Variants in TRIM37 observed in about 807,000 individuals in gnomAD.
The protein encoded by TRIM37 is tripartite motif containing 37.
A neutral mutation model predicts 129.8 loss-of-function variants in TRIM37; 80 were observed. The observed-to-expected ratio is 0.62, with a 90% CI of 0.51 to 0.74. The LOEUF (loss-of-function observed/expected upper bound fraction) is 0.74, where lower values mean the gene tolerates loss of function less well. Among genes scored for constraint, TRIM37 ranks in the 30% least tolerant of loss-of-function variants. The pLI is 0.00. For missense variants in TRIM37, 1,054 were observed against 1,176.5 expected (o/e 0.90, Z 1.52); for synonymous variants, 389 against 387.1 (o/e 1.00, Z -0.06).
intron 2 of TRIM37, among the ~76,000 whole-genome samples, chr17:59,100,701 T>C (rs1376743347): frequency 6.6e-6 from 1 of 152,130 alleles, no homozygotes; most frequent in African/African-American, 2.4e-5. Context: ...GATGCAATGA[T>C]TGTCTCACAA....
intron 2 of TRIM37, 108 bp downstream of exon 2, chr17:59,104,185 G>T: frequency 9.8e-7 from 1 of 1,022,240 alleles, no homozygotes; most frequent in Non-Finnish European, 1.5e-6. Flanking sequence ...CACAGTGCAA[G>T]CAAGCACTTT....
intron 24 of TRIM37, among the ~76,000 whole-genome samples, chr17:58,986,698 G>A (rs992071427): frequency 2.0e-5 from 3 of 151,838 alleles, no homozygotes; most frequent in Admixed American, 6.6e-5. Flanking sequence ...TAGTAGAGAC[G>A]GGGTTTTGCC....
downstream of TRIM37, among the ~76,000 whole-genome samples, chr17:58,994,039 G>A (rs73317217): frequency 9.1e-3 from 1,393 of 152,282 alleles, 27 homozygotes; most frequent in African/African-American, 0.031. Flanking sequence ...GAATCCACAG[G>A]AGGCCAACGG....
At chr17:59,063,789 G>GGCT (rs2041701419) in intron 10 of TRIM37, among the ~76,000 whole-genome samples, 2 of 152,090 alleles carry the variant, frequency 1.3e-5, no homozygotes, top group Admixed American at 1.3e-4. Flanking sequence ...GGTAAGAGGG[G>GGCT]GCTCATCAAC....
chr17:59,053,824 C>A (rs2040578553), intron 13 of TRIM37, among the ~76,000 whole-genome samples: 1 of 152,112 alleles, frequency 6.6e-6, no homozygotes, highest in Non-Finnish European at 1.5e-5. Context: ...TGATTCCAGG[C>A]ACCGTGGCAT....
chr17:59,018,650 T>C (rs1035876979), intron 19 of TRIM37, among the ~76,000 whole-genome samples: 21 of 151,218 alleles, frequency 1.4e-4, no homozygotes, highest in African/African-American at 5.1e-4. Context: ...GAATACTTAA[T>C]ACTGTTAACA....
intron 14 of TRIM37, among the ~76,000 whole-genome samples, chr17:59,050,729 C>T (rs1259396585): frequency 6.6e-6 from 1 of 152,212 alleles, no homozygotes; most frequent in African/African-American, 2.4e-5. Flanking sequence ...CCTGTAATCC[C>T]AGCACTTTGG....
chr17:58,985,960 G>GTGT (rs565438270), intron 24 of TRIM37, among the ~76,000 whole-genome samples: 3 of 152,254 alleles, frequency 2.0e-5, no homozygotes, highest in Non-Finnish European at 4.4e-5. Flanking sequence ...TGATTAGTAA[G>GTGT]TGTTACACTT....
chr17:59,002,871 C>T (rs1474632905), intron 22 of TRIM37, among the ~76,000 whole-genome samples: 2 of 151,920 alleles, frequency 1.3e-5, no homozygotes, highest in Admixed American at 1.3e-4. Context: ...AACTCCACCC[C>T]CTGCATAATG....
At chr17:59,037,504 G>A (rs960963493) in intron 17 of TRIM37, among the ~76,000 whole-genome samples, 4 of 129,688 alleles carry the variant, frequency 3.1e-5, no homozygotes, top group African/African-American at 1.2e-4. Flanking sequence ...CTTGCAGTGA[G>A]CCAAGATCAT....
intron 12 of TRIM37, among the ~76,000 whole-genome samples, chr17:59,057,600 T>G (rs113112000): frequency 0.011 from 1,609 of 152,316 alleles, 33 homozygotes; most frequent in African/African-American, 0.036. Context: ...CTCAGCTCAC[T>G]GCAACCTCTG....
Position 59,091,350 on chromosome 17 carries a change from C to A in TRIM37, c.124-10G>T. 3 of 1,529,620 alleles carry A rather than the reference C, an allele frequency of 2.0e-6. No individual in the cohort carries two copies. Among genetic ancestry groups the A allele is most frequent in the Non-Finnish European group, 2.6e-6 (3 of 1,132,458 alleles). The allele number at this position is 1,529,620 out of a possible 1,614,324, so 94.8% of individuals were successfully genotyped here. A position where few individuals can be genotyped will look rare whatever the true frequency, so the allele number is the denominator to read the frequency against. Reference sequence around the variant, plus strand: ...GCTCTGTCAGCCAGCGCTAAGGGGGCAAAAGATTAGATATCGATTAGAAAA... The same window carrying A: ...GCTCTGTCAGCCAGCGCTAAGGGGGAAAAAGATTAGATATCGATTAGAAAA... On this transcript the variant is annotated splice_polypyrimidine_tract_variant and intron_variant, in intron 2 of 23. Transcript: ENST00000262294.
At chr17:59,077,809 CAAAAA>C (rs36007655) in intron 7 of TRIM37, among the ~76,000 whole-genome samples, 1 of 71,366 alleles carries the variant, frequency 1.4e-5, no homozygotes, top group Admixed American at 1.9e-4. Flanking sequence ...GACTCCATCT[CAAAAA>C]AAAAAAAAAA....
downstream of TRIM37, chr17:58,982,297 A>G (rs899795532): frequency 2.0e-5 from 3 of 152,394 alleles, no homozygotes; most frequent in Non-Finnish European, 4.4e-5. Flanking sequence ...CAAGTTAGTT[A>G]GAAGCATGTT....
chr17:59,004,051 G>A (rs1464750842), intron 22 of TRIM37, among the ~76,000 whole-genome samples: 1 of 152,092 alleles, frequency 6.6e-6, no homozygotes, highest in Non-Finnish European at 1.5e-5. Flanking sequence ...CAAGCCTGCA[G>A]TGAGCTATGA....
In TRIM37 at chr17:59,090,872, C is replaced by T. The variant is rs1265873883; in HGVS notation, c.164+428G>A. On this transcript the variant is annotated intron_variant, in intron 3 of 23. Transcript: ENST00000262294. Reference sequence around the variant, plus strand: ...AATTCCCGACCTCAGGTGATCCAGCCGCCTTGGCCTCCCAAAGTGCTGGGA... The same window carrying T: ...AATTCCCGACCTCAGGTGATCCAGCTGCCTTGGCCTCCCAAAGTGCTGGGA... Among the ~76,000 whole-genome samples the T allele has an allele frequency of 3.9e-5, 6 of 152,200 alleles. No homozygotes were observed. In the East Asian group the frequency reaches 5.8e-4, roughly 15 times the overall value.
intron 16 of TRIM37, among the ~76,000 whole-genome samples, chr17:59,042,326 G>A (rs2039259261): frequency 7.1e-6 from 1 of 140,778 alleles, no homozygotes; most frequent in South Asian, 2.2e-4. Flanking sequence ...AGTGAGCCAA[G>A]ATTGCACAAC....
intron 22 of TRIM37, among the ~76,000 whole-genome samples, chr17:59,007,157 CAACACACACACACACA>C (rs1567953877): frequency 2.2e-4 from 4 of 18,550 alleles, no homozygotes; most frequent in African/African-American, 2.3e-4. Context: ...CCCCACCCTC[CAACACACACACACACA>C]CACACACACA....
chr17:58,981,086 A>G, downstream of TRIM37: 1 of 1,238,134 alleles, frequency 8.1e-7, no homozygotes, highest in Non-Finnish European at 1.1e-6. Flanking sequence ...CCACTATCAG[A>G]GTAGAAACAA....
Sources: gnomAD v4.1 joint callset for allele counts (sites outside exome capture counted in the v4.1 genomes callset) on GRCh38, gnomAD v4.1.1 for gene constraint, MANE v1.5 for transcripts, NCBI Gene and HGNC (gene_info 2026-07-23, HGNC 2026-07-21) for gene names.